Variants in CHD1L observed in about 807,000 individuals in gnomAD.
CHD1L encodes chromodomain helicase DNA binding protein 1 like, also known as ATP-dependent chromatin remodeler CHD1L.
CHD1L carries 118 observed loss-of-function variants against 115.9 expected under a neutral mutation model. The observed-to-expected ratio is 1.02, with a 90% CI of 0.88 to 1.19. The LOEUF (loss-of-function observed/expected upper bound fraction) is 1.19, where lower values mean the gene tolerates loss of function less well. Ranked by LOEUF, CHD1L falls within the 50% of genes most tolerant of loss-of-function variation. The probability of loss-of-function intolerance (pLI) is 0.00; values close to 1 mark genes in which losing one functional copy is unlikely to be tolerated. For synonymous variants in CHD1L, 411 were observed against 387.1 expected (o/e 1.06, Z -0.72); for missense variants, 1,179 against 1,065.3 (o/e 1.11, Z -1.49).
At chr1:147,271,376 AG>A (rs1676155043) in intron 11 of CHD1L, among the ~76,000 whole-genome samples, 1 of 152,220 alleles carries the variant, frequency 6.6e-6, no homozygotes, top group Non-Finnish European at 1.5e-5. Context: ...ATCAGTGAAA[AG>A]GTGAATATTG....
At chr1:147,282,806 A>G (rs1336044279) in intron 15 of CHD1L, among the ~76,000 whole-genome samples, 2 of 152,216 alleles carry the variant, frequency 1.3e-5, no homozygotes, top group Non-Finnish European at 2.9e-5. Flanking sequence ...TTCTCAGTCA[A>G]TCCAACTGCC....
intron 12 of CHD1L, 143 bp downstream of exon 12, chr1:147,272,424 G>A (rs1676600024): frequency 1.7e-6 from 1 of 594,684 alleles, no homozygotes; most frequent in South Asian, 2.4e-5. Context: ...TGGACATCAA[G>A]CATGGTGCTG....
intron 12 of CHD1L, among the ~76,000 whole-genome samples, chr1:147,273,466 C>T (rs1176621557): frequency 6.6e-6 from 1 of 151,998 alleles, no homozygotes; most frequent in East Asian, 1.9e-4. Flanking sequence ...TTTTATCTCC[C>T]TAATAAAATT....
chr1:147,267,536 C>G lies in CHD1L; in HGVS notation c.988+18C>G. The G allele has an allele frequency of 6.3e-7, 1 of 1,575,104 alleles. No homozygotes were observed. The highest frequency in any genetic ancestry group is 8.7e-7 in the Non-Finnish European group (1 of 1,151,506). ...GTTTGATGGTGAGACAGTGCCTTTT[C>G]CCCCCACATTATTCTTTGGTAATGT... On this transcript the variant is annotated intron_variant, in intron 9 of 22. Transcript: ENST00000369258.
At chr1:147,185,370 C>T in the CHD1L span, among the ~76,000 whole-genome samples, 1 of 151,976 alleles carries the variant, frequency 6.6e-6, no homozygotes, top group Non-Finnish European at 1.5e-5. Context: ...TAAAAGGAAG[C>T]AAGAGACATT....
At chr1:147,261,281 G>A (rs587763757) in intron 6 of CHD1L, among the ~76,000 whole-genome samples, 14 of 152,230 alleles carry the variant, frequency 9.2e-5, no homozygotes, top group African/African-American at 2.9e-4. Flanking sequence ...CTAGAGGCTG[G>A]GAAGTCCAAG....
chr1:147,195,546 C>T, the CHD1L span, among the ~76,000 whole-genome samples: 86 of 152,088 alleles, frequency 5.7e-4, 1 homozygote, highest in Admixed American at 3.3e-4. Context: ...ACTCATAATA[C>T]CTAATATTAA....
Position 147,284,370 on chromosome 1 carries a change from T to C in CHD1L, c.1725T>C (p.Phe575=). 1 of 1,581,088 alleles carries C rather than the reference T, an allele frequency of 6.3e-7. No individual in the cohort carries two copies. The highest frequency in any genetic ancestry group is 8.6e-7 in the Non-Finnish European group (1 of 1,163,654). ...QEEGKNHMYL[F]EGKDYSKEPS... ...TGTTAGAAAATCATATGTACTTATT[T>C]GAAGGTAAAGATTATTCTAAAGAGC... Residue 575 remains phenylalanine, a synonymous_variant, in exon 16 of 23, where the codon TTT becomes TTC. Transcript: ENST00000369258.
At chr1:147,175,036 C>T in the CHD1L span, 1 of 152,186 alleles carries the variant, frequency 6.6e-6, no homozygotes, top group African/African-American at 2.4e-5. Context: ...ATTGATTTTA[C>T]AGAACTGGAT....
At chr1:147,288,887 G>A (rs906042410) in intron 19 of CHD1L, among the ~76,000 whole-genome samples, 5 of 152,022 alleles carry the variant, frequency 3.3e-5, no homozygotes, top group Non-Finnish European at 5.9e-5. Flanking sequence ...AGGGAAAAAG[G>A]CACCTCCTTT....
rs587626194 is a variant in CHD1L at position 147,278,436 on chromosome 1, A to G, written c.1540-1590A>G. On this transcript the variant is annotated intron_variant, in intron 14 of 22. Transcript: ENST00000369258. ...GACGGGGTTTCACCATGTTGGCCAG[A>G]CTGGTCTTGATCTCCTGACCTTGTG... Among the ~76,000 whole-genome samples, 127 of 151,172 alleles carry G rather than the reference A, an allele frequency of 8.4e-4. 1 individual carries two copies. Among genetic ancestry groups the G allele is most frequent in the East Asian group, 1.6e-3 (8 of 5,112 alleles).
At chr1:147,178,674 G>C in the CHD1L span, 1 of 1,574,138 alleles carries the variant, frequency 6.4e-7, no homozygotes, top group Non-Finnish European at 8.7e-7. Context: ...TTGCACATAC[G>C]AATGTTGAGT....
At chr1:147,173,299 C>G in the CHD1L span, 22 of 152,878 alleles carry the variant, frequency 1.4e-4, no homozygotes, top group African/African-American at 5.3e-4. Flanking sequence ...TACTCCGTCC[C>G]CCTCTCCCCG....
At chr1:147,225,190 T>G in the CHD1L span, 1 of 1,460,690 alleles carries the variant, frequency 6.8e-7, no homozygotes. Context: ...GATTCGACGG[T>G]CCTCTTCACC....
chr1:147,271,250 A>G lies in CHD1L; in HGVS notation c.1159+245A>G, dbSNP rs587723601. ...CCCATCAGTTACATGATTTAAAATT[A>G]TGGGCCGTGGAGCAAATGTTGTGGA... is the stretch of plus-strand genomic sequence containing the variant. On this transcript the variant is annotated intron_variant, in intron 11 of 22. Transcript: ENST00000369258. 8.7e-5 allele frequency: 32 copies of G among 369,758 alleles called. 1 individual carries two copies. In the South Asian group the frequency reaches 1.9e-3, roughly 22 times the overall value. The allele number at this position is 369,758 out of a possible 1,614,324, so 22.9% of individuals were successfully genotyped here. A position where few individuals can be genotyped will look rare whatever the true frequency, so the allele number is the denominator to read the frequency against.
the CHD1L span, among the ~76,000 whole-genome samples, chr1:147,208,102 T>G: frequency 6.6e-6 from 1 of 152,204 alleles, no homozygotes; most frequent in African/African-American, 2.4e-5. Context: ...TGCATGTAAC[T>G]CATTTAGCAC....
At chr1:147,187,068 A>G in the CHD1L span, 18 of 1,614,112 alleles carry the variant, frequency 1.1e-5, no homozygotes, top group Non-Finnish European at 1.4e-5. Flanking sequence ...CCCACTTTCC[A>G]GGGCCCTGTA....
chr1:147,178,625 T>C, the CHD1L span: 29 of 1,595,304 alleles, frequency 1.8e-5, no homozygotes, highest in Non-Finnish European at 2.5e-5. Flanking sequence ...CACTCCGAGT[T>C]CCTAAAAGCA....
At chr1:147,284,726 G>T (rs942808718) in intron 16 of CHD1L, among the ~76,000 whole-genome samples, 1 of 152,164 alleles carries the variant, frequency 6.6e-6, no homozygotes, top group Non-Finnish European at 1.5e-5. Context: ...TGTCATGTAG[G>T]TGAAAGCAGC....
Sources: allele counts gnomAD v4.1 joint callset (sites outside exome capture counted in the v4.1 genomes callset), GRCh38; gene constraint gnomAD v4.1.1; transcripts MANE v1.5; gene names NCBI Gene and HGNC (gene_info 2026-07-23, HGNC 2026-07-21).